Variants in CNTN5 observed in about 807,000 individuals in gnomAD.
The protein encoded by CNTN5 is contactin-5.
A neutral mutation model predicts 129.1 loss-of-function variants in CNTN5; 77 were observed. That is an observed-to-expected ratio of 0.60 (90% CI 0.50 to 0.72). The LOEUF (loss-of-function observed/expected upper bound fraction) is 0.72, where lower values mean the gene tolerates loss of function less well. Ranked by LOEUF, CNTN5 falls within the 30% of genes least tolerant of loss-of-function variation. CNTN5 has a pLI of 0.00. For synonymous variants in CNTN5, 509 were observed against 465.6 expected (o/e 1.09, Z -1.20); for missense variants, 1,478 against 1,328.8 (o/e 1.11, Z -1.75).
chr11:99,113,874 A>G (rs1857914964), intron 1 of CNTN5, among the ~76,000 whole-genome samples: 1 of 152,180 alleles, frequency 6.6e-6, no homozygotes, highest in Non-Finnish European at 1.5e-5. Flanking sequence ...CTCTAAAACT[A>G]AGTATCCTCT....
At chr11:99,100,121 C>T (rs543219450) in intron 1 of CNTN5, among the ~76,000 whole-genome samples, 16 of 152,206 alleles carry the variant, frequency 1.1e-4, no homozygotes, top group Non-Finnish European at 1.5e-4. Flanking sequence ...AAACAATCAA[C>T]GCTTCTTTAG....
intron 1 of CNTN5, among the ~76,000 whole-genome samples, chr11:99,293,837 A>C (rs527838316): frequency 1.1e-4 from 16 of 151,712 alleles, no homozygotes; most frequent in African/African-American, 3.9e-4. Context: ...AAGGTTTGTA[A>C]ATTTTCCTTA....
chr11:100,211,516 A>G (rs1165245336), intron 15 of CNTN5, among the ~76,000 whole-genome samples: 1 of 152,134 alleles, frequency 6.6e-6, no homozygotes, highest in African/African-American at 2.4e-5. Context: ...GTCTTGGGAA[A>G]GACCATAAAT....
intron 1 of CNTN5, among the ~76,000 whole-genome samples, chr11:99,133,571 TAA>T: frequency 1.1e-5 from 1 of 93,160 alleles, no homozygotes; most frequent in Admixed American, 1.2e-4. Context: ...AAAAAACAAA[TAA>T]CATTATTAAA....
At chr11:99,360,774 G>T (rs1939054477) in intron 2 of CNTN5, among the ~76,000 whole-genome samples, 1 of 152,142 alleles carries the variant, frequency 6.6e-6, no homozygotes, top group Non-Finnish European at 1.5e-5. Flanking sequence ...AGGTTGCTTG[G>T]CCACACCCTT....
intron 3 of CNTN5, among the ~76,000 whole-genome samples, chr11:99,653,877 G>A (rs1406139363): frequency 1.3e-5 from 2 of 151,718 alleles, no homozygotes; most frequent in African/African-American, 2.4e-5. Flanking sequence ...TTCTACAATG[G>A]ATTGTTAGGC....
intron 3 of CNTN5, among the ~76,000 whole-genome samples, chr11:99,583,211 G>A (rs898798751): frequency 6.6e-5 from 10 of 152,164 alleles, no homozygotes; most frequent in Non-Finnish European, 1.0e-4. Context: ...GTACCCGGCC[G>A]TGTGAGGTGT....
At chr11:100,215,577 T>C (rs937935915) in intron 15 of CNTN5, among the ~76,000 whole-genome samples, 1 of 152,082 alleles carries the variant, frequency 6.6e-6, no homozygotes, top group African/African-American at 2.4e-5. Context: ...ATAGAGTATA[T>C]CTCACCATTG....
chr11:99,342,692 C>G (rs577791852), intron 2 of CNTN5, among the ~76,000 whole-genome samples: 1 of 148,396 alleles, frequency 6.7e-6, no homozygotes, highest in Non-Finnish European at 1.5e-5. Flanking sequence ...GATAGTACCA[C>G]TGCACTCCAG....
intron 1 of CNTN5, among the ~76,000 whole-genome samples, chr11:99,151,317 G>T (rs1036334570): frequency 5.3e-5 from 8 of 152,016 alleles, no homozygotes; most frequent in African/African-American, 1.7e-4. Flanking sequence ...TGATAGGGAT[G>T]GAGAGAAAAT....
chr11:99,819,644 A>C lies in CNTN5; in HGVS notation c.156A>C (p.Pro52=). The C allele has an allele frequency of 6.2e-7, 1 of 1,613,068 alleles. No homozygotes were observed. Among genetic ancestry groups the C allele is most frequent in the African/African-American group, 1.3e-5 (1 of 75,086 alleles). ...SSSLFGSKTR[P]RYSSPSLGTL... is the part of the protein sequence containing the mutation. ...CTCTCTTTGGTTCCAAAACCAGACC[A>C]CGATACAGCAGCCCTTCATTAGGAA... Residue 52 remains proline, a synonymous_variant, in exon 4 of 25, where the codon CCA becomes CCC. Transcript: ENST00000524871.
rs200955833 is a variant in CNTN5, at chr11:100,271,080, T to A, written c.2165-12T>A. 6.3e-7 allele frequency: 1 copy of A among 1,583,786 alleles called. No individual in the cohort carries two copies. The highest frequency in any genetic ancestry group is 8.6e-7 in the Non-Finnish European group (1 of 1,168,538). On this transcript the variant is annotated splice_polypyrimidine_tract_variant and intron_variant, in intron 17 of 24. Transcript: ENST00000524871. ...TCCTCATAATGACATGAAATTTCCT[T>A]CCTTTCTATAGTCCCAGAAATCATA...
intron 22 of CNTN5, among the ~76,000 whole-genome samples, chr11:100,340,852 A>G (rs1344131549): frequency 2.0e-5 from 3 of 152,322 alleles, no homozygotes; most frequent in Non-Finnish European, 4.4e-5. Flanking sequence ...CCTGTGAAAC[A>G]AGGCTAAGCG....
chr11:99,186,157 T>C (rs1858341943), intron 1 of CNTN5, among the ~76,000 whole-genome samples: 1 of 151,942 alleles, frequency 6.6e-6, no homozygotes, highest in African/African-American at 2.4e-5. Context: ...TTTCTACCTA[T>C]GTGTCCTATG....
chr11:99,099,319 T>A (rs1461426824), intron 1 of CNTN5, among the ~76,000 whole-genome samples: 1 of 152,156 alleles, frequency 6.6e-6, no homozygotes, highest in Non-Finnish European at 1.5e-5. Flanking sequence ...TATAAATGTA[T>A]GGGCCTTGAC....
intron 1 of CNTN5, among the ~76,000 whole-genome samples, chr11:99,051,156 T>C (rs1317784339): frequency 2.0e-5 from 3 of 151,970 alleles, no homozygotes; most frequent in African/African-American, 7.2e-5. Context: ...TACTAGAAGC[T>C]GTTTCAGGAG....
intron 3 of CNTN5, among the ~76,000 whole-genome samples, chr11:99,720,232 A>G (rs979680414): frequency 2.0e-5 from 3 of 152,148 alleles, no homozygotes; most frequent in Non-Finnish European, 4.4e-5. Context: ...CAACAAAGAA[A>G]GACTTCAGGC....
At chr11:100,106,342 G>GAGTAA (rs1292364291) in intron 13 of CNTN5, among the ~76,000 whole-genome samples, 1 of 152,270 alleles carries the variant, frequency 6.6e-6, no homozygotes, top group East Asian at 1.9e-4. Flanking sequence ...GGATATCCAG[G>GAGTAA]AATAAAAGAA....
intron 16 of CNTN5, among the ~76,000 whole-genome samples, chr11:100,240,519 A>C (rs1433054435): frequency 1.3e-5 from 2 of 152,220 alleles, no homozygotes; most frequent in East Asian, 3.9e-4. Flanking sequence ...GCCTAAGTTA[A>C]GCACTTAGTG....
Sources: allele counts gnomAD v4.1 joint callset (sites outside exome capture counted in the v4.1 genomes callset), GRCh38; gene constraint gnomAD v4.1.1; transcripts MANE v1.5; gene names NCBI Gene and HGNC (gene_info 2026-07-23, HGNC 2026-07-21).